DLC1: variants seen among roughly 807,000 people sequenced by gnomAD.
The protein encoded by DLC1 is DLC1 Rho GTPase activating protein, also known as rho GTPase-activating protein 7.
A neutral mutation model predicts 140.3 loss-of-function variants in DLC1; 54 were observed. The observed-to-expected ratio is 0.38, with a 90% CI of 0.31 to 0.48. The LOEUF (loss-of-function observed/expected upper bound fraction) is 0.48, where lower values mean the gene tolerates loss of function less well. DLC1 is among the 20% of genes least tolerant of loss of function. DLC1 has a pLI of 0.96. For missense variants in DLC1, 2,536 were observed against 1,907.0 expected, an observed-to-expected ratio of 1.33 and a Z score of -6.14; for synonymous variants, 986 against 728.1, an observed-to-expected ratio of 1.35 and a Z score of -5.70.
intron 1 of DLC1, chr8:13,567,985 A>G: frequency 6.7e-7 from 1 of 1,483,752 alleles, no homozygotes. Context: ...TATTTGAGTA[A>G]TTACCATAAT....
chr8:13,154,332 G>C (rs1311619715), intron 5 of DLC1, among the ~76,000 whole-genome samples: 1 of 152,218 alleles, frequency 6.6e-6, no homozygotes, highest in Non-Finnish European at 1.5e-5. Context: ...CAGGTCGGGA[G>C]CCCTGCCCTG....
intron 7 of DLC1, among the ~76,000 whole-genome samples, chr8:13,106,933 T>C (rs1280106744): frequency 6.6e-6 from 1 of 152,240 alleles, no homozygotes; most frequent in Non-Finnish European, 1.5e-5. Context: ...GGTATCCTCG[T>C]AGTGAATCAC....
intron 2 of DLC1, among the ~76,000 whole-genome samples, chr8:13,450,452 CAAAAAAAAAA>C (rs759911909): frequency 2.6e-4 from 14 of 53,360 alleles, no homozygotes; most frequent in Admixed American, 1.6e-3. Flanking sequence ...GAGACTGTCT[CAAAAAAAAAA>C]AAAAAAAAAA....
At position 13,442,922 on chromosome 8, in the gene DLC1, G is replaced by T. The variant is rs185448330; in HGVS notation, c.1024-41303C>A. On this transcript the variant is annotated intron_variant, in intron 2 of 17. Coordinates refer to ENST00000276297, the MANE Select transcript of DLC1 (RefSeq NM_182643.3). ...ATGCACGCATATGTTTATTGTGGCAGTATTCACAATAGCAAAGACTTGGAA... is the reference window on the plus strand; with the variant it reads ...ATGCACGCATATGTTTATTGTGGCATTATTCACAATAGCAAAGACTTGGAA... Among the ~76,000 whole-genome samples, 481 of 152,178 alleles carry T rather than the reference G, an allele frequency of 3.2e-3. 10 individuals are homozygous for T. In the South Asian group the frequency reaches 0.059, roughly 19 times the overall value.
chr8:13,567,165 A>G (rs1432190839), intron 1 of DLC1: 3 of 1,551,824 alleles, frequency 1.9e-6, no homozygotes. Context: ...TGGAGAGGGA[A>G]AAGCAGACTC....
At chr8:13,211,521 C>A (rs1392677277) in intron 5 of DLC1, among the ~76,000 whole-genome samples, 1 of 152,188 alleles carries the variant, frequency 6.6e-6, no homozygotes, top group Non-Finnish European at 1.5e-5. Flanking sequence ...CTTTGGGGTT[C>A]ACTTGCATCA....
At chr8:13,284,216 A>C (rs1298230904) in intron 5 of DLC1, among the ~76,000 whole-genome samples, 3 of 152,182 alleles carry the variant, frequency 2.0e-5, no homozygotes, top group Non-Finnish European at 4.4e-5. Context: ...ACCTATTAGC[A>C]GAAGAAAGAA....
In DLC1 at chr8:13,212,320, G is replaced by A. The variant is rs183809352; in HGVS notation, c.1348+92949C>T. On this transcript the variant is annotated intron_variant, in intron 5 of 17. Coordinates refer to ENST00000276297, the MANE Select transcript of DLC1 (RefSeq NM_182643.3). ...TACACTATGTTAGGTCCATGTGTGCGTACACATTTCAATGGCACACTGCTT... is the reference window on the plus strand; with the variant it reads ...TACACTATGTTAGGTCCATGTGTGCATACACATTTCAATGGCACACTGCTT... Among the ~76,000 whole-genome samples, 109 of 152,156 alleles carry A rather than the reference G, an allele frequency of 7.2e-4. 1 individual carries two copies. The highest frequency in any genetic ancestry group is 3.7e-3 in the South Asian group (18 of 4,818).
At chr8:13,330,839 C>G (rs1833555754) in intron 4 of DLC1, among the ~76,000 whole-genome samples, 1 of 152,186 alleles carries the variant, frequency 6.6e-6, no homozygotes. Flanking sequence ...CTCAAAATAC[C>G]TTTCCTTACA....
At chr8:13,444,471 T>G (rs1296642305) in intron 2 of DLC1, among the ~76,000 whole-genome samples, 1 of 152,136 alleles carries the variant, frequency 6.6e-6, no homozygotes, top group Non-Finnish European at 1.5e-5. Context: ...AATTCCTGGT[T>G]TTAAGAAGGT....
At chr8:13,387,824 C>T in intron 4 of DLC1, among the ~76,000 whole-genome samples, 1 of 151,892 alleles carries the variant, frequency 6.6e-6, no homozygotes, top group East Asian at 1.9e-4. Context: ...GTCAATGTAC[C>T]TGCAGCATAT....
chr8:13,258,060 G>T (rs1000192026), intron 5 of DLC1, among the ~76,000 whole-genome samples: 5 of 152,172 alleles, frequency 3.3e-5, no homozygotes, highest in Non-Finnish European at 7.4e-5. Flanking sequence ...CTTAAACACA[G>T]CAAGTTTCAA....
chr8:13,589,549 T>C (rs1022263046), intron 1 of DLC1, among the ~76,000 whole-genome samples: 3 of 152,102 alleles, frequency 2.0e-5, no homozygotes, highest in African/African-American at 7.2e-5. Flanking sequence ...TATGACATCA[T>C]AGAGAATCAT....
chr8:13,226,082 T>C (rs1490727023), intron 5 of DLC1, among the ~76,000 whole-genome samples: 1 of 152,076 alleles, frequency 6.6e-6, no homozygotes, highest in East Asian at 1.9e-4. Context: ...TTGGCTACTT[T>C]TTTTGATTTT....
At chr8:13,464,928 G>A (rs527703768) in intron 2 of DLC1, among the ~76,000 whole-genome samples, 71 of 151,732 alleles carry the variant, frequency 4.7e-4, no homozygotes, top group African/African-American at 1.6e-3. Context: ...TTAAAAACAG[G>A]GACTCACTAT....
chr8:13,274,644 A>C (rs1383267106), intron 5 of DLC1, among the ~76,000 whole-genome samples: 3 of 152,228 alleles, frequency 2.0e-5, no homozygotes, highest in African/African-American at 7.2e-5. Context: ...TTCCAGGGAT[A>C]ACATTCTTAT....
chr8:13,539,451 C>T (rs1450250772), intron 1 of DLC1, among the ~76,000 whole-genome samples: 4 of 152,116 alleles, frequency 2.6e-5, no homozygotes, highest in Non-Finnish European at 5.9e-5. Context: ...CCGTCCACCT[C>T]GGCCTCCCAA....
intron 5 of DLC1, among the ~76,000 whole-genome samples, chr8:13,199,844 G>C (rs2117061380): frequency 6.6e-6 from 1 of 152,258 alleles, no homozygotes; most frequent in East Asian, 1.9e-4. Context: ...CTTTTCATAA[G>C]ATGCTATGAT....
intron 1 of DLC1, among the ~76,000 whole-genome samples, chr8:13,506,756 G>A (rs1350126338): frequency 3.3e-5 from 5 of 151,864 alleles, no homozygotes; most frequent in African/African-American, 4.8e-5. Flanking sequence ...AGATGTAAGG[G>A]AAATAATCTC....
Sources: gnomAD v4.1 joint callset for allele counts (sites outside exome capture counted in the v4.1 genomes callset) on GRCh38, gnomAD v4.1.1 for gene constraint, MANE v1.5 for transcripts, NCBI Gene and HGNC (gene_info 2026-07-23, HGNC 2026-07-21) for gene names.